The following ZNF264 variants were observed in gnomAD, a reference collection of about 807,000 sequenced individuals.
ZNF264 encodes the protein zinc finger protein 264.
ZNF264 carries 11 observed loss-of-function variants against 11.2 expected under a neutral mutation model. The observed-to-expected ratio is 0.98, with a 90% CI of 0.62 to 1.63. ZNF264 has a LOEUF of 1.63. Ranked by LOEUF, ZNF264 falls within the 40% of genes most tolerant of loss-of-function variation. The pLI is 0.00. For synonymous variants in ZNF264, 309 were observed against 279.8 expected, an observed-to-expected ratio of 1.10 and a Z score of -1.04; for missense variants, 752 against 768.1, an observed-to-expected ratio of 0.98 and a Z score of 0.25.
intron 3 of ZNF264, among the ~76,000 whole-genome samples, chr19:57,209,268 A>G (rs2087316496): frequency 6.6e-6 from 1 of 152,070 alleles, no homozygotes; most frequent in African/African-American, 2.4e-5. Flanking sequence ...TTTTATTCTA[A>G]AAGTTTTAAA....
chr19:57,199,121 T>C (rs975174494), intron 2 of ZNF264, among the ~76,000 whole-genome samples: 5 of 151,928 alleles, frequency 3.3e-5, no homozygotes, highest in African/African-American at 1.2e-4. Flanking sequence ...TTTGTCTCTG[T>C]TGTCCATTAT....
chr19:57,197,623 T>C (rs2087221461), intron 2 of ZNF264, among the ~76,000 whole-genome samples: 1 of 151,876 alleles, frequency 6.6e-6, no homozygotes, highest in African/African-American at 2.4e-5. Context: ...TGGATCCCAC[T>C]CAAAACTGGC....
At position 57,216,002 on chromosome 19, in the gene ZNF264, A is replaced by G. The variant is rs1413631706; in HGVS notation, c.*3021A>G. ...CTGCTCATTGTTATTCAAGTCAGCT[A>G]TGTCCTTGCTGATTTTCTGTCCAGC... On this transcript the variant is annotated 3_prime_UTR_variant, in exon 4 of 4. Coordinates refer to ENST00000263095, the MANE Select transcript of ZNF264 (RefSeq NM_003417.5). The G allele has an allele frequency of 6.6e-6, 1 of 152,236 alleles. No individual in the cohort carries two copies. The highest frequency in any genetic ancestry group is 1.9e-4 in the East Asian group (1 of 5,204). 9.4% of individuals were successfully genotyped at this position (152,236 alleles called of 1,614,324 possible). A position where few individuals can be genotyped will look rare whatever the true frequency, so the allele number is the denominator to read the frequency against.
intron 3 of ZNF264, among the ~76,000 whole-genome samples, chr19:57,210,311 A>G (rs988374397): frequency 2.6e-4 from 39 of 152,204 alleles, no homozygotes; most frequent in African/African-American, 8.9e-4. Context: ...ACAGTCCTCT[A>G]AGACTACCAG....
At position 57,221,766 on chromosome 19, in the gene ZNF264, C is replaced by T. The variant is rs2087418703; in HGVS notation, c.*8785C>T. 1 of 151,994 alleles carries T rather than the reference C, an allele frequency of 6.6e-6. No individual in the cohort carries two copies. Among genetic ancestry groups the T allele is most frequent in the South Asian group, 2.1e-4 (1 of 4,818 alleles). 9.4% of individuals were successfully genotyped at this position (151,994 alleles called of 1,614,324 possible). A position where few individuals can be genotyped will look rare whatever the true frequency, so the allele number is the denominator to read the frequency against. ...AGGGGTTCAGCTTTTCAGCTGAAAA[C>T]GTTATCCCCCTTTCAGCTGGGGGGA... On this transcript the variant is annotated 3_prime_UTR_variant, in exon 4 of 4. Coordinates refer to ENST00000263095, the MANE Select transcript of ZNF264 (RefSeq NM_003417.5).
At position 57,204,814 on chromosome 19, in the gene ZNF264, G is replaced by A. The variant is rs117305479; in HGVS notation, c.161-583G>A. Among the ~76,000 whole-genome samples the A allele has an allele frequency of 6.2e-4, 94 of 152,260 alleles. No homozygotes were observed. In the East Asian group the frequency reaches 0.017, roughly 28 times the overall value. ...CAAGATCACTGTCGTTGGCATACCT[G>A]GACCCGGGACTTTCTGGGTAGCGTT... On this transcript the variant is annotated intron_variant, in intron 2 of 3. Transcript: ENST00000263095.
At chr19:57,192,294 A>G (rs1299906040) in intron 1 of ZNF264, 3 of 974,352 alleles carry the variant, frequency 3.1e-6, no homozygotes, top group Admixed American at 1.2e-4. Context: ...GCGAGCAGAG[A>G]CAAGGTATGT....
At chr19:57,193,741 C>T (rs1863729995) in intron 1 of ZNF264, 134 bp from the exon 2 acceptor site, 1 of 1,318,524 alleles carries the variant, frequency 7.6e-7, no homozygotes. Context: ...TTGAGCCCAG[C>T]ACAGAGCTAG....
At chr19:57,192,243 G>T (rs2087179257) in intron 1 of ZNF264, 2 of 729,610 alleles carry the variant, frequency 2.7e-6, no homozygotes, top group Non-Finnish European at 3.4e-6. Flanking sequence ...GGGGCCTGAG[G>T]GGGGAAGGGG....
chr19:57,192,973 C>A (rs144238585), intron 1 of ZNF264, among the ~76,000 whole-genome samples: 5 of 152,120 alleles, frequency 3.3e-5, no homozygotes, highest in Non-Finnish European at 5.9e-5. Flanking sequence ...TCAAGCGATC[C>A]GCCCACCTCG....
In ZNF264 at chr19:57,219,635, C is replaced by G. The variant is rs1051016004; in HGVS notation, c.*6654C>G. The G allele has an allele frequency of 6.6e-6, 1 of 152,248 alleles. No individual in the cohort carries two copies. Among genetic ancestry groups the G allele is most frequent in the Non-Finnish European group, 1.5e-5 (1 of 68,056 alleles). 9.4% of individuals were successfully genotyped at this position (152,248 alleles called of 1,614,324 possible). On this transcript the variant is annotated 3_prime_UTR_variant, in exon 4 of 4. Transcript: ENST00000263095. ...TCTTGAAAGTTGCTGTCTTTCTCCT[C>G]CAGAGGGTCTGTGTCTTCCTTCCAA...
Position 57,211,991 on chromosome 19 carries a change from C to T in ZNF264, c.894C>T (p.His298=), listed in dbSNP as rs1348201787. ...ATGAATGCGGAAAGGCCTTCACCCACCGCTCCAATTTTGTCTTGCATAACA... is the reference window on the plus strand; with the variant it reads ...ATGAATGCGGAAAGGCCTTCACCCATCGCTCCAATTTTGTCTTGCATAACA... ...KCNECGKAFT[H]RSNFVLHNRR... is the part of the protein sequence containing the mutation. Residue 298 remains histidine (H), a synonymous_variant, in exon 4 of 4, where the codon CAC becomes CAT. Transcript: ENST00000263095. 1 of 1,614,040 alleles carries T rather than the reference C, an allele frequency of 6.2e-7. No homozygotes were observed. The highest frequency in any genetic ancestry group is 8.5e-7 in the Non-Finnish European group (1 of 1,179,998).
At chr19:57,192,584 T>C (rs1240779178) in intron 1 of ZNF264, 2 of 984,964 alleles carry the variant, frequency 2.0e-6, no homozygotes, top group Non-Finnish European at 2.4e-6. Context: ...CATTGTGGAA[T>C]TTCCTTGGGG....
intron 2 of ZNF264, chr19:57,194,972 C>T (rs1054768158): frequency 4.4e-5 from 17 of 386,178 alleles, no homozygotes; most frequent in African/African-American, 3.5e-4. Flanking sequence ...TAACAGCTGT[C>T]AAGTGTCCGT....
Position 57,212,575 on chromosome 19 carries a change from C to A in ZNF264, c.1478C>A (p.Thr493Asn), listed in dbSNP as rs1024925495. 2 of 1,613,768 alleles carry A rather than the reference C, an allele frequency of 1.2e-6. No homozygotes were observed. The highest frequency in any genetic ancestry group is 1.7e-6 in the Non-Finnish European group (2 of 1,179,906). The change falls in exon 4 of 4, where the codon ACC becomes AAC. Residue 493 changes from threonine to asparagine, a missense_variant. Thr to Asn is a moderately conservative substitution (Grantham distance 65). Coordinates refer to ENST00000263095, the MANE Select transcript of ZNF264 (RefSeq NM_003417.5). Reference sequence around the variant, plus strand: ...TGCGTGGAGTGTGGAAAGGCCTTCACCCGCATGTCGGGCCTCACGAGGCAC... The same window carrying A: ...TGCGTGGAGTGTGGAAAGGCCTTCAACCGCATGTCGGGCCTCACGAGGCAC... Reference protein sequence around the residue: ...YECVECGKAFTRMSGLTRHKR... With the variant: ...YECVECGKAFNRMSGLTRHKR...
intron 3 of ZNF264, among the ~76,000 whole-genome samples, chr19:57,210,296 A>G (rs573971955): frequency 6.5e-4 from 99 of 152,304 alleles, no homozygotes; most frequent in African/African-American, 2.3e-3. Context: ...CTCAAGGTTA[A>G]GGACACAGTC....
Position 57,211,561 on chromosome 19 carries a change from G to A in ZNF264, c.464G>A (p.Ser155Asn). The A allele has an allele frequency of 1.2e-6, 2 of 1,614,032 alleles. No homozygotes were observed. ...CAGGAGAAGTCTCCTGGGAAGATGAGCCCTGAATGTGATGGTTTAGGGACA... is the reference window on the plus strand; with the variant it reads ...CAGGAGAAGTCTCCTGGGAAGATGAACCCTGAATGTGATGGTTTAGGGACA... ...DPQEKSPGKMSPECDGLGTAD... is the reference protein window; with the variant it reads ...DPQEKSPGKMNPECDGLGTAD... The change falls in exon 4 of 4, where the codon AGC (serine) becomes AAC (asparagine). Residue 155 changes from serine to asparagine, a missense_variant. Ser to Asn is a conservative substitution (Grantham distance 46). Transcript: ENST00000263095.
chr19:57,193,791 G>A (rs2087192603), intron 1 of ZNF264, 84 bp from the exon 2 acceptor site: 1 of 1,572,178 alleles, frequency 6.4e-7, no homozygotes, highest in South Asian at 1.2e-5. Context: ...CGCCATCACT[G>A]TACACCTTTT....
intron 2 of ZNF264, among the ~76,000 whole-genome samples, chr19:57,194,481 A>T (rs1383533940): frequency 1.3e-5 from 2 of 152,134 alleles, no homozygotes; most frequent in African/African-American, 4.8e-5. Context: ...AGTAGTAATA[A>T]CTCATGATTA....
Sources: allele counts gnomAD v4.1 joint callset (sites outside exome capture counted in the v4.1 genomes callset), GRCh38; gene constraint gnomAD v4.1.1; transcripts MANE v1.5; gene names NCBI Gene and HGNC (gene_info 2026-07-23, HGNC 2026-07-21).